Variants in RIMS1 observed in about 807,000 individuals in gnomAD.
The protein encoded by RIMS1 is regulating synaptic membrane exocytosis protein 1.
RIMS1 carries 83 observed loss-of-function variants against 214.1 expected under a neutral mutation model. The ratio of observed to expected loss-of-function variants is 0.39; its 90% confidence interval spans 0.32 to 0.47. The LOEUF (loss-of-function observed/expected upper bound fraction) is 0.47. RIMS1 is among the 20% of genes least tolerant of loss of function. The pLI, the probability that RIMS1 is intolerant of heterozygous loss-of-function variation, is 0.99. For missense variants in RIMS1, 2,050 were observed against 2,161.8 expected (o/e 0.95, Z 1.03); for synonymous variants, 793 against 786.8 (o/e 1.01, Z -0.13).
At chr6:72,292,984 G>A (rs1381735902) in intron 26 of RIMS1, among the ~76,000 whole-genome samples, 1 of 151,770 alleles carries the variant, frequency 6.6e-6, no homozygotes, top group East Asian at 1.9e-4. Flanking sequence ...AGGGTACGGG[G>A]GTACATGTTT....
At chr6:72,178,011 T>C (rs1335363542) in intron 4 of RIMS1, among the ~76,000 whole-genome samples, 1 of 152,246 alleles carries the variant, frequency 6.6e-6, no homozygotes, top group Non-Finnish European at 1.5e-5. Flanking sequence ...TTGTTCATCT[T>C]GTTTGACATC....
intron 29 of RIMS1, among the ~76,000 whole-genome samples, chr6:72,340,847 G>A (rs1324204864): frequency 1.3e-5 from 2 of 152,110 alleles, no homozygotes; most frequent in Admixed American, 1.3e-4. Context: ...GATGGGGATG[G>A]CATTGAATGT....
chr6:72,029,631 T>G (rs1470577409), intron 2 of RIMS1, among the ~76,000 whole-genome samples: 1 of 152,182 alleles, frequency 6.6e-6, no homozygotes, highest in Non-Finnish European at 1.5e-5. Flanking sequence ...CATTATAGAA[T>G]ATTTTGTTAT....
At chr6:72,112,390 A>T (rs1006043212) in intron 4 of RIMS1, among the ~76,000 whole-genome samples, 13 of 152,034 alleles carry the variant, frequency 8.6e-5, no homozygotes, top group Non-Finnish European at 2.9e-5. Flanking sequence ...AGACCATGCC[A>T]TGTACATCTC....
chr6:72,266,191 T>C lies in RIMS1; in HGVS notation c.3398+142T>C, dbSNP rs1039279299. 4.3e-6 allele frequency: 3 copies of C among 697,980 alleles called. No individual in the cohort carries two copies. In the Admixed American group the frequency reaches 6.1e-5, roughly 14 times the overall value. The allele number at this position is 697,980 out of a possible 1,614,324, so 43.2% of individuals were successfully genotyped here. A position where few individuals can be genotyped will look rare whatever the true frequency, so the allele number is the denominator to read the frequency against. On this transcript the variant is annotated intron_variant, in intron 22 of 33. Coordinates refer to ENST00000521978, the MANE Select transcript of RIMS1 (RefSeq NM_014989.7). ...CTGTCTACATTTCCCCTTCCCTTAT[T>C]ATACATGTCTATTTAGAGATATGCG...
intron 16 of RIMS1, 79 bp downstream of exon 16, chr6:72,252,911 GA>G (rs977727208): frequency 3.1e-6 from 3 of 980,090 alleles, no homozygotes; most frequent in Non-Finnish European, 4.8e-6. Context: ...ACCTCTTTAG[GA>G]TACTAAACTG....
At chr6:72,151,390 A>G (rs533579892) in intron 4 of RIMS1, among the ~76,000 whole-genome samples, 1 of 152,314 alleles carries the variant, frequency 6.6e-6, no homozygotes, top group South Asian at 2.1e-4. Flanking sequence ...TCAGGATGAA[A>G]GTCTAAAGAT....
intron 1 of RIMS1, among the ~76,000 whole-genome samples, chr6:71,891,306 C>T (rs1287984934): frequency 6.6e-6 from 1 of 152,148 alleles, no homozygotes. Flanking sequence ...CATTTTTTTC[C>T]TACAAATCCT....
intron 4 of RIMS1, among the ~76,000 whole-genome samples, chr6:72,172,212 T>G (rs1027453060): frequency 6.6e-6 from 1 of 151,906 alleles, no homozygotes; most frequent in African/African-American, 2.4e-5. Context: ...CTTAAATGAA[T>G]AAAAAAATGA....
intron 26 of RIMS1, among the ~76,000 whole-genome samples, chr6:72,303,031 CAA>C (rs2154275174): frequency 6.6e-6 from 1 of 150,778 alleles, no homozygotes; most frequent in East Asian, 1.9e-4. Context: ...GAGATCCAAA[CAA>C]ATTTATTTTT....
At chr6:72,100,361 A>G (rs1279972504) in intron 4 of RIMS1, among the ~76,000 whole-genome samples, 2 of 152,022 alleles carry the variant, frequency 1.3e-5, no homozygotes, top group Admixed American at 6.6e-5. Flanking sequence ...TTTATTGCAG[A>G]AGGAATGGAA....
chr6:72,110,168 A>T (rs895838197), intron 4 of RIMS1, among the ~76,000 whole-genome samples: 3 of 152,078 alleles, frequency 2.0e-5, no homozygotes, highest in South Asian at 2.1e-4. Context: ...TGGCTTAGGA[A>T]TGACTTGGCA....
chr6:71,995,480 G>GTA (rs1272343967), intron 2 of RIMS1, among the ~76,000 whole-genome samples: 1 of 151,036 alleles, frequency 6.6e-6, no homozygotes, highest in Non-Finnish European at 1.5e-5. Context: ...GTGTGTGTGT[G>GTA]TGTATGTTTG....
intron 2 of RIMS1, among the ~76,000 whole-genome samples, chr6:72,077,148 C>T (rs560472466): frequency 4.6e-5 from 7 of 152,106 alleles, no homozygotes; most frequent in African/African-American, 4.8e-5. Context: ...TGTTTCTCCT[C>T]GTCCTTCAGG....
chr6:72,097,746 A>C (rs1323758801), intron 3 of RIMS1, among the ~76,000 whole-genome samples: 2 of 152,112 alleles, frequency 1.3e-5, no homozygotes, highest in Non-Finnish European at 2.9e-5. Flanking sequence ...TTCTTACCTG[A>C]TGATGTTTCC....
intron 2 of RIMS1, among the ~76,000 whole-genome samples, chr6:71,973,595 T>C (rs962980685): frequency 6.6e-6 from 1 of 152,148 alleles, no homozygotes; most frequent in Non-Finnish European, 1.5e-5. Context: ...AACTGACCTG[T>C]GTCCAGTTTA....
chr6:72,242,178 A>G, intron 9 of RIMS1, 136 bp from the exon 10 acceptor site: 1 of 659,362 alleles, frequency 1.5e-6, no homozygotes, highest in South Asian at 2.2e-5. Flanking sequence ...ATGGCAATCA[A>G]TTTGCTTTTG....
At chr6:71,888,970 G>C (rs1443200275) in intron 1 of RIMS1, among the ~76,000 whole-genome samples, 1 of 152,184 alleles carries the variant, frequency 6.6e-6, no homozygotes, top group Non-Finnish European at 1.5e-5. Context: ...TAGTGCTGCT[G>C]TCTGTCTGTC....
intron 4 of RIMS1, among the ~76,000 whole-genome samples, chr6:72,147,438 C>G (rs890357919): frequency 1.3e-5 from 2 of 152,108 alleles, no homozygotes; most frequent in Non-Finnish European, 2.9e-5. Flanking sequence ...GCAGGCATAT[C>G]TGAAAGACAG....
Sources: allele counts gnomAD v4.1 joint callset (sites outside exome capture counted in the v4.1 genomes callset), GRCh38; gene constraint gnomAD v4.1.1; transcripts MANE v1.5; gene names NCBI Gene and HGNC (gene_info 2026-07-23, HGNC 2026-07-21).